Variants in GIMAP1 observed in about 807,000 individuals in gnomAD.
The protein encoded by GIMAP1 is GTPase IMAP family member 1.
For synonymous variants in GIMAP1, 230 were observed against 187.7 expected (o/e 1.23, Z -1.84); for missense variants, 423 against 411.9 (o/e 1.03, Z -0.23).
rs1797292776 is a variant in GIMAP1 at position 150,720,885 on chromosome 7, G to C, written c.881G>C (p.Arg294Thr). 6.3e-7 allele frequency: 1 copy of C among 1,595,368 alleles called. No individual in the cohort carries two copies. Among genetic ancestry groups the C allele is most frequent in the African/African-American group, 1.3e-5 (1 of 74,476 alleles). The change falls in exon 3 of 3, where the codon AGG becomes ACG. Residue 294 changes from arginine (R) to threonine (T), a missense_variant. Coordinates refer to ENST00000307194, the MANE Select transcript of GIMAP1 (RefSeq NM_130759.4). The surrounding 1 kb of genome is among the most constrained non-coding windows in gnomAD (Gnocchi z 4.5). ...GALLFWVLLHRRWSEAVAEVG... is the reference protein window; with the variant it reads ...GALLFWVLLHTRWSEAVAEVG... The stretch of plus-strand genomic sequence containing the variant: ...CTCCTGTTCTGGGTGCTGCTCCACA[G>C]GCGGTGGTCGGAGGCCGTTGCGGAG...
chr7:150,720,583 C>A lies in GIMAP1; in HGVS notation c.579C>A (p.Thr193=). The A allele has an allele frequency of 6.2e-7, 1 of 1,613,726 alleles. No individual in the cohort carries two copies. The highest frequency in any genetic ancestry group is 8.5e-7 in the Non-Finnish European group (1 of 1,179,824). ...GRVCAFDNRA[T]GREQEAQVEQ... ...TCTGTGCCTTTGATAACCGGGCCAC[C>A]GGCCGGGAGCAGGAAGCCCAGGTGG... is the stretch of plus-strand genomic sequence containing the variant. The change falls in exon 3 of 3, where the codon ACC becomes ACA. Residue 193 remains threonine (T), a synonymous_variant. Coordinates refer to ENST00000307194, the MANE Select transcript of GIMAP1 (RefSeq NM_130759.4). The surrounding 1 kb of genome is among the most constrained non-coding windows in gnomAD (Gnocchi z 4.5).
Position 150,718,958 on chromosome 7 carries a change from TG to T in GIMAP1, c.-6-83del, listed in dbSNP as rs547514122. 7.1e-4 allele frequency: 1,094 copies of T among 1,547,320 alleles called. 3 individuals carry two copies. In the African/African-American group the frequency reaches 0.013, roughly 18 times the overall value. On this transcript the variant is annotated intron_variant, in intron 1 of 2. Transcript: ENST00000307194. ...GCTCTTTGGACTTTGCCTGACACCC[TG>T]TAGGTGGTTATGCCTATTTGTGGTT...
At chr7:150,717,419 G>A (rs1797232668) in intron 1 of GIMAP1, among the ~76,000 whole-genome samples, 1 of 152,202 alleles carries the variant, frequency 6.6e-6, no homozygotes, top group Non-Finnish European at 1.5e-5. Flanking sequence ...GTAATTCTGA[G>A]AAGCAGCACA....
chr7:150,719,638 G>A (rs761250092), intron 2 of GIMAP1: 11 of 171,830 alleles, frequency 6.4e-5, no homozygotes, highest in African/African-American at 9.5e-5. Context: ...CAACCAGCAC[G>A]TGGTGGGGCT....
intron 1 of GIMAP1, among the ~76,000 whole-genome samples, chr7:150,717,880 AAT>A (rs1797239422): frequency 6.6e-6 from 1 of 152,230 alleles, no homozygotes; most frequent in Admixed American, 6.5e-5. Context: ...CTCTAGATTT[AAT>A]ATGAGGCAAA....
Position 150,720,159 on chromosome 7 carries a change from G to C in GIMAP1, c.155G>C (p.Arg52Pro), listed in dbSNP as rs1270019036. 1 of 1,614,002 alleles carries C rather than the reference G, an allele frequency of 6.2e-7. No homozygotes were observed. The highest frequency in any genetic ancestry group is 1.3e-5 in the African/African-American group (1 of 74,932). The stretch of plus-strand genomic sequence containing the variant: ...GGGAACAGCATCCTGGGCCAGAGAC[G>C]GTTCTTCTCCAGGCTGGGGGCCACG... ...ATGNSILGQR[R>P]FFSRLGATSV... Residue 52 changes from arginine to proline, a missense_variant, in exon 3 of 3, where the codon CGG (arginine) becomes CCG (proline). By Grantham distance (103) the Arg-to-Pro change is moderately radical. Transcript: ENST00000307194. This position sits in a 1 kb window ranked among gnomAD's most constrained non-coding sequence, Gnocchi z 4.5.
Position 150,719,055 on chromosome 7 carries a change from G to A in GIMAP1, c.8G>A (p.Gly3Glu), listed in dbSNP as rs773050722. 6.2e-7 allele frequency: 1 copy of A among 1,614,186 alleles called. No homozygotes were observed. Among genetic ancestry groups the A allele is most frequent in the Non-Finnish European group, 8.5e-7 (1 of 1,180,036 alleles). MG[G>E]RKMATDEENV... ...GGACTCTTCCAGGTAAGCATGGGAGGAAGGAAGATGGCGACAGATGAAGAA... is the reference window on the plus strand; with the variant it reads ...GGACTCTTCCAGGTAAGCATGGGAGAAAGGAAGATGGCGACAGATGAAGAA... The change falls in exon 2 of 3, where the codon GGA becomes GAA. Residue 3 changes from glycine to glutamate, a missense_variant. Gly to Glu is a moderately conservative substitution (Grantham distance 98, BLOSUM62 -2). Transcript: ENST00000307194.
chr7:150,720,643 G>T lies in GIMAP1; in HGVS notation c.639G>T (p.Leu213=). 1 of 1,611,026 alleles carries T rather than the reference G, an allele frequency of 6.2e-7. No homozygotes were observed. Among genetic ancestry groups the T allele is most frequent in the Non-Finnish European group, 8.5e-7 (1 of 1,178,554 alleles). The stretch of plus-strand genomic sequence containing the variant: ...TGGGGATGGTCGAGGGCTTGGTGCT[G>T]GAGCACAAGGGCGCCCATTACTCCA... ...QLLGMVEGLV[L]EHKGAHYSNE... Residue 213 remains leucine, a synonymous_variant, in exon 3 of 3, where the codon CTG becomes CTT. Transcript: ENST00000307194. The surrounding 1 kb of genome is among the most constrained non-coding windows in gnomAD (Gnocchi z 4.5).
At chr7:150,716,915 T>C (rs1797224993) in intron 1 of GIMAP1, among the ~76,000 whole-genome samples, 1 of 152,112 alleles carries the variant, frequency 6.6e-6, no homozygotes, top group Admixed American at 6.5e-5. Context: ...ACGTTCTTGG[T>C]GGGGAGTGAA....
rs368118770 is a variant in GIMAP1, at chr7:150,720,691, G to A, written c.687G>A (p.Gln229=). ...HYSNEVYELA[Q]VLRWAGPEER... ...CCAACGAGGTGTATGAGCTGGCGCA[G>A]GTGCTGCGCTGGGCAGGCCCTGAGG... is the stretch of plus-strand genomic sequence containing the variant. The change falls in exon 3 of 3, where the codon CAG becomes CAA. Residue 229 remains glutamine (Q), a synonymous_variant. Coordinates refer to ENST00000307194, the MANE Select transcript of GIMAP1 (RefSeq NM_130759.4). This position sits in a 1 kb window ranked among gnomAD's most constrained non-coding sequence, Gnocchi z 4.5. 2 of 1,591,240 alleles carry A rather than the reference G, an allele frequency of 1.3e-6. No homozygotes were observed. Among genetic ancestry groups the A allele is most frequent in the Middle Eastern group, 1.8e-4 (1 of 5,530 alleles).
chr7:150,720,901 C>A lies in GIMAP1; in HGVS notation c.897C>A (p.Ala299=). 1 of 1,583,816 alleles carries A rather than the reference C, an allele frequency of 6.3e-7. No individual in the cohort carries two copies. Among genetic ancestry groups the A allele is most frequent in the African/African-American group, 1.4e-5 (1 of 74,058 alleles). ...TGCTCCACAGGCGGTGGTCGGAGGC[C>A]GTTGCGGAGGTCGGGCCTGACTGAC... is the stretch of plus-strand genomic sequence containing the variant. ...WVLLHRRWSE[A]VAEVGPD The change falls in exon 3 of 3, where the codon GCC becomes GCA. Residue 299 remains alanine, a synonymous_variant. Transcript: ENST00000307194. The surrounding 1 kb of genome is among the most constrained non-coding windows in gnomAD (Gnocchi z 4.5).
rs1237905214 is a variant in GIMAP1, at chr7:150,720,899, G to A, written c.895G>A (p.Ala299Thr). Residue 299 changes from alanine (A) to threonine (T), a missense_variant, in exon 3 of 3, where the codon GCC becomes ACC. Transcript: ENST00000307194. The surrounding 1 kb of genome is among the most constrained non-coding windows in gnomAD (Gnocchi z 4.5). Reference sequence around the variant, plus strand: ...GCTGCTCCACAGGCGGTGGTCGGAGGCCGTTGCGGAGGTCGGGCCTGACTG... The same window carrying A: ...GCTGCTCCACAGGCGGTGGTCGGAGACCGTTGCGGAGGTCGGGCCTGACTG... ...WVLLHRRWSEAVAEVGPD is the reference protein window; with the variant it reads ...WVLLHRRWSETVAEVGPD The A allele has an allele frequency of 1.9e-6, 3 of 1,585,684 alleles. No homozygotes were observed. In the East Asian group the frequency reaches 6.7e-5, roughly 36 times the overall value.
Position 150,724,119 on chromosome 7 carries a change from G to T in GIMAP1, c.*3194G>T, listed in dbSNP as rs1466956928. ...CCTATGGATTCAGTACCCCAGAAGA[G>T]AATTTCTGTAAATTCTTGGGGAAGC... On this transcript the variant is annotated 3_prime_UTR_variant, in exon 3 of 3. Coordinates refer to ENST00000307194, the MANE Select transcript of GIMAP1 (RefSeq NM_130759.4). The T allele has an allele frequency of 1.1e-4, 17 of 152,052 alleles. No individual in the cohort carries two copies. The highest frequency in any genetic ancestry group is 1.5e-5 in the Non-Finnish European group (1 of 68,022). 9.4% of individuals were successfully genotyped at this position (152,052 alleles called of 1,614,324 possible). A position where few individuals can be genotyped will look rare whatever the true frequency, so the allele number is the denominator to read the frequency against.
rs1046572739 is a variant in GIMAP1 at position 150,720,756 on chromosome 7, T to C, written c.752T>C (p.Val251Ala). 5.1e-6 allele frequency: 8 copies of C among 1,567,078 alleles called. No homozygotes were observed. The African/African-American group carries it at 1.1e-4, about 21-fold the overall frequency. Residue 251 changes from valine (V) to alanine (A), a missense_variant, in exon 3 of 3, where the codon GTG becomes GCG. Transcript: ENST00000307194. This position sits in a 1 kb window ranked among gnomAD's most constrained non-coding sequence, Gnocchi z 4.5. ...GTGGCGGAGCGCGTGGCAGCCAGGGTGCAGAGGAGGCCATGGGGCGCCTGG... is the reference window on the plus strand; with the variant it reads ...GTGGCGGAGCGCGTGGCAGCCAGGGCGCAGAGGAGGCCATGGGGCGCCTGG... ...RRVAERVAARVQRRPWGAWLS... is the reference protein window; with the variant it reads ...RRVAERVAARAQRRPWGAWLS...
At position 150,720,029 on chromosome 7, in the gene GIMAP1, A is replaced by G. The variant is rs1797271863; in HGVS notation, c.44-19A>G. The G allele has an allele frequency of 1.3e-6, 2 of 1,546,092 alleles. No individual in the cohort carries two copies. The highest frequency in any genetic ancestry group is 1.7e-6 in the Non-Finnish European group (2 of 1,145,276). On this transcript the variant is annotated intron_variant, in intron 2 of 2. Coordinates refer to ENST00000307194, the MANE Select transcript of GIMAP1 (RefSeq NM_130759.4). The surrounding 1 kb of genome is among the most constrained non-coding windows in gnomAD (Gnocchi z 4.5). ...AAGTTGGTTAAACTTAAGTAAGATTATAACACTTGGTCTCACAGGTTTAGA... is the reference window on the plus strand; with the variant it reads ...AAGTTGGTTAAACTTAAGTAAGATTGTAACACTTGGTCTCACAGGTTTAGA...
Position 150,720,694 on chromosome 7 carries a change from G to A in GIMAP1, c.690G>A (p.Val230=), listed in dbSNP as rs1797287409. 1 of 1,587,436 alleles carries A rather than the reference G, an allele frequency of 6.3e-7. No individual in the cohort carries two copies. The highest frequency in any genetic ancestry group is 2.3e-5 in the East Asian group (1 of 43,430). Residue 230 remains valine (V), a synonymous_variant, in exon 3 of 3, where the codon GTG becomes GTA. Transcript: ENST00000307194. This position sits in a 1 kb window ranked among gnomAD's most constrained non-coding sequence, Gnocchi z 4.5. ...YSNEVYELAQ[V]LRWAGPEERL... ...ACGAGGTGTATGAGCTGGCGCAGGT[G>A]CTGCGCTGGGCAGGCCCTGAGGAGC...
Position 150,721,131 on chromosome 7 carries a change from A to G in GIMAP1, c.*206A>G. On this transcript the variant is annotated 3_prime_UTR_variant, in exon 3 of 3. Transcript: ENST00000307194. ...TTTTAACTCATTTTAAATGATGTGT[A>G]TGCAGAGTTTTAAAATAAATTCGTC... The G allele has an allele frequency of 2.2e-6, 1 of 448,260 alleles. No homozygotes were observed. Among genetic ancestry groups the G allele is most frequent in the South Asian group, 6.5e-5 (1 of 15,452 alleles). 27.8% of individuals were successfully genotyped at this position (448,260 alleles called of 1,614,324 possible). A position where few individuals can be genotyped will look rare whatever the true frequency, so the allele number is the denominator to read the frequency against.
chr7:150,724,226 A>G lies in GIMAP1; in HGVS notation c.*3301A>G, dbSNP rs1271758458. The G allele has an allele frequency of 6.6e-6, 1 of 151,992 alleles. No homozygotes were observed. Among genetic ancestry groups the G allele is most frequent in the Non-Finnish European group, 1.5e-5 (1 of 68,006 alleles). The allele number at this position is 151,992 out of a possible 1,614,324, so 9.4% of individuals were successfully genotyped here. On this transcript the variant is annotated 3_prime_UTR_variant, in exon 3 of 3. Coordinates refer to ENST00000307194, the MANE Select transcript of GIMAP1 (RefSeq NM_130759.4). ...TGGCAATGTTGGCCTCTTCTTAGGCAACTAGATTCGGTTCTTGCTTATTCT... is the reference window on the plus strand; with the variant it reads ...TGGCAATGTTGGCCTCTTCTTAGGCGACTAGATTCGGTTCTTGCTTATTCT...
intron 1 of GIMAP1, among the ~76,000 whole-genome samples, chr7:150,717,431 T>C (rs1204597617): frequency 1.3e-5 from 2 of 152,210 alleles, no homozygotes; most frequent in African/African-American, 4.8e-5. Context: ...AGCAGCACAT[T>C]TGAGCGGTGA....
Sources: allele counts gnomAD v4.1 joint callset (sites outside exome capture counted in the v4.1 genomes callset), GRCh38; gene constraint gnomAD v4.1.1; non-coding constraint Gnocchi (gnomAD v3.1); transcripts MANE v1.5; gene names NCBI Gene and HGNC (gene_info 2026-07-23, HGNC 2026-07-21).